IGBP1C: variants seen among roughly 807,000 people sequenced by gnomAD.
IGBP1C encodes the protein IGBP1 family member C.
At chr17:58,676,945 C>T in the IGBP1C span, among the ~76,000 whole-genome samples, 26 of 152,110 alleles carry the variant, frequency 1.7e-4, no homozygotes, top group South Asian at 3.5e-3. Context: ...GGCGAAACCC[C>T]GTCTCTACTA....
the IGBP1C span, among the ~76,000 whole-genome samples, chr17:58,678,960 C>G: frequency 2.6e-5 from 4 of 151,844 alleles, no homozygotes; most frequent in Non-Finnish European, 4.4e-5. Flanking sequence ...GCGAGACCAG[C>G]CTGGCCAACA....
chr17:58,671,885 AG>A, the IGBP1C span, among the ~76,000 whole-genome samples: 25 of 152,136 alleles, frequency 1.6e-4, no homozygotes, highest in Non-Finnish European at 3.5e-4. Flanking sequence ...TTCACTCACT[AG>A]GCCCCTAGCC....
chr17:58,686,964 T>C, the IGBP1C span, among the ~76,000 whole-genome samples: 149,666 of 149,666 alleles, frequency 1, 74,833 homozygotes, highest in Non-Finnish European at 1. Flanking sequence ...ACCTCCATCT[T>C]TGGGGTTCAG....
the IGBP1C span, among the ~76,000 whole-genome samples, chr17:58,687,020 C>A: frequency 6.6e-6 from 1 of 151,802 alleles, no homozygotes; most frequent in Non-Finnish European, 1.5e-5. Context: ...ATTACAGATG[C>A]CCACCACCAC....
chr17:58,673,811 G>A, the IGBP1C span, among the ~76,000 whole-genome samples: 5 of 151,950 alleles, frequency 3.3e-5, no homozygotes, highest in African/African-American at 7.3e-5. Context: ...TGGCTCAGGC[G>A]ATCCTCCCAC....
At chr17:58,678,716 C>G in the IGBP1C span, among the ~76,000 whole-genome samples, 4 of 151,636 alleles carry the variant, frequency 2.6e-5, no homozygotes, top group Non-Finnish European at 5.9e-5. Context: ...GGAGACATAC[C>G]TAATGTAAAT....
the IGBP1C span, among the ~76,000 whole-genome samples, chr17:58,687,701 C>G: frequency 6.6e-6 from 1 of 152,046 alleles, no homozygotes; most frequent in African/African-American, 2.4e-5. Flanking sequence ...CCAGCTATAA[C>G]AAAAATTTCA....
chr17:58,686,948 A>ACAGCAACC, the IGBP1C span, among the ~76,000 whole-genome samples: 1 of 136,242 alleles, frequency 7.3e-6, no homozygotes, highest in East Asian at 2.2e-4. Context: ...ATCTCAGCTC[A>ACAGCAACC]CAGCAACCTC....
the IGBP1C span, among the ~76,000 whole-genome samples, chr17:58,689,163 C>G: frequency 1.3e-5 from 2 of 152,032 alleles, no homozygotes; most frequent in Non-Finnish European, 2.9e-5. Context: ...CTCCTGATCT[C>G]GTGATCCGCC....
At chr17:58,684,793 G>C in the IGBP1C span, among the ~76,000 whole-genome samples, 1 of 151,972 alleles carries the variant, frequency 6.6e-6, no homozygotes, top group Non-Finnish European at 1.5e-5. Flanking sequence ...TGGCCAATAT[G>C]GCAAAACCCT....
the IGBP1C span, among the ~76,000 whole-genome samples, chr17:58,663,235 T>G: frequency 6.6e-6 from 1 of 151,772 alleles, no homozygotes; most frequent in Non-Finnish European, 1.5e-5. Flanking sequence ...CCATCCTGAC[T>G]AACATGGAGA....
the IGBP1C span, among the ~76,000 whole-genome samples, chr17:58,688,916 TTTG>T: frequency 1.3e-5 from 2 of 152,174 alleles, no homozygotes; most frequent in Middle Eastern, 6.8e-3. Flanking sequence ...ACCCCCACAT[TTTG>T]TTTTTATTTC....
At chr17:58,666,885 G>T in the IGBP1C span, among the ~76,000 whole-genome samples, 1 of 152,176 alleles carries the variant, frequency 6.6e-6, no homozygotes, top group Non-Finnish European at 1.5e-5. Context: ...TTTCCAAAAT[G>T]CAGTCTTTAA....
the IGBP1C span, among the ~76,000 whole-genome samples, chr17:58,691,788 C>T: frequency 1.3e-5 from 2 of 151,996 alleles, no homozygotes; most frequent in Admixed American, 1.3e-4. Context: ...TGCCTTCCTC[C>T]CCGAAGTTCT....
chr17:58,688,741 T>C, the IGBP1C span, among the ~76,000 whole-genome samples: 4 of 152,082 alleles, frequency 2.6e-5, no homozygotes, highest in African/African-American at 9.7e-5. Context: ...GGTTTGCCCA[T>C]AGCAATGTCT....
chr17:58,661,998 C>G, the IGBP1C span, among the ~76,000 whole-genome samples: 6 of 152,088 alleles, frequency 3.9e-5, no homozygotes, highest in South Asian at 1.0e-3. Flanking sequence ...TGCCAAGATT[C>G]AAGTATCTGC....
chr17:58,673,243 G>A, the IGBP1C span, among the ~76,000 whole-genome samples: 1 of 151,606 alleles, frequency 6.6e-6, no homozygotes, highest in African/African-American at 2.4e-5. Flanking sequence ...CACTTTGGAA[G>A]GCCGAGGTGG....
the IGBP1C span, among the ~76,000 whole-genome samples, chr17:58,673,947 A>G: frequency 6.6e-6 from 1 of 152,114 alleles, no homozygotes; most frequent in South Asian, 2.1e-4. Flanking sequence ...AACATCTTCA[A>G]GGTAGTAAAT....
chr17:58,669,685 G>T, the IGBP1C span, among the ~76,000 whole-genome samples: 1 of 128,052 alleles, frequency 7.8e-6, no homozygotes, highest in African/African-American at 3.0e-5. Flanking sequence ...AGGGAGCTGA[G>T]ATCACGCCAC....
Sources: allele counts gnomAD v4.1 joint callset (sites outside exome capture counted in the v4.1 genomes callset), GRCh38; gene constraint gnomAD v4.1.1; transcripts MANE v1.5; gene names NCBI Gene and HGNC (gene_info 2026-07-23, HGNC 2026-07-21).